Variants in ZNF536 observed in about 807,000 individuals in gnomAD.
ZNF536 encodes zinc finger protein 536.
Under a neutral mutation model 84.5 loss-of-function variants are expected in ZNF536, and 13 were observed. The observed-to-expected ratio is 0.15, with a 90% CI of 0.10 to 0.24. The LOEUF is 0.24. Ranked by LOEUF, ZNF536 falls within the 10% of genes least tolerant of loss-of-function variation. The probability of loss-of-function intolerance (pLI) is 1.00; values close to 1 mark genes in which losing one functional copy is unlikely to be tolerated. For synonymous variants in ZNF536, 811 were observed against 742.5 expected (o/e 1.09, Z -1.50); for missense variants, 1,536 against 1,747.5 (o/e 0.88, Z 2.16).
chr19:30,592,699 T>C (rs933339881), intron 1 of ZNF536, among the ~76,000 whole-genome samples: 4 of 152,090 alleles, frequency 2.6e-5, no homozygotes, highest in African/African-American at 9.7e-5. Flanking sequence ...GGGTTTTTTT[T>C]TTTTTCTAAG....
intron 1 of ZNF536, among the ~76,000 whole-genome samples, chr19:30,651,872 T>A (rs932238593): frequency 2.0e-5 from 3 of 152,204 alleles, no homozygotes; most frequent in Non-Finnish European, 2.9e-5. Flanking sequence ...TAACAGAAGC[T>A]TTGTGTGTGT....
chr19:30,614,879 A>G (rs1423152302), intron 1 of ZNF536, among the ~76,000 whole-genome samples: 1 of 139,766 alleles, frequency 7.2e-6, no homozygotes, highest in African/African-American at 2.7e-5. Flanking sequence ...TATGGCATCT[A>G]TGACGTGCTT....
intron 2 of ZNF536, among the ~76,000 whole-genome samples, chr19:30,493,183 A>AC (rs1555782097): frequency 1.6e-5 from 2 of 128,508 alleles, no homozygotes; most frequent in African/African-American, 6.0e-5. Flanking sequence ...GTACTAAAAT[A>AC]TTTTTTTTTC....
At chr19:30,398,274 C>T (rs1355843667) in intron 1 of ZNF536, among the ~76,000 whole-genome samples, 3 of 152,152 alleles carry the variant, frequency 2.0e-5, no homozygotes, top group African/African-American at 7.2e-5. Context: ...CCCTCCGTGC[C>T]CCAACCATCC....
At chr19:30,581,358 T>C (rs1026406819) in intron 1 of ZNF536, among the ~76,000 whole-genome samples, 1 of 151,716 alleles carries the variant, frequency 6.6e-6, no homozygotes, top group African/African-American at 2.4e-5. Context: ...GCGCCTGTAG[T>C]CCCAGCTACT....
chr19:30,593,876 T>C (rs989219336), intron 1 of ZNF536, among the ~76,000 whole-genome samples: 7 of 152,186 alleles, frequency 4.6e-5, no homozygotes, highest in African/African-American at 1.4e-4. Context: ...GATTGCTAGA[T>C]GGAGTGGACT....
intron 2 of ZNF536, among the ~76,000 whole-genome samples, chr19:30,518,404 T>C (rs1440591991): frequency 6.6e-6 from 1 of 152,220 alleles, no homozygotes; most frequent in Middle Eastern, 3.2e-3. Context: ...TCCGTTTTGA[T>C]TCCCAAAATT....
intron 1 of ZNF536, among the ~76,000 whole-genome samples, chr19:30,610,539 T>C (rs1480362903): frequency 6.6e-6 from 1 of 152,210 alleles, no homozygotes; most frequent in Non-Finnish European, 1.5e-5. Flanking sequence ...GTATTCCCAT[T>C]CAATTTCTGT....
At chr19:30,558,971 T>A (rs183850628), downstream of ZNF536, among the ~76,000 whole-genome samples, 1 of 152,288 alleles carries the variant, frequency 6.6e-6, no homozygotes, top group East Asian at 1.9e-4. Context: ...AACCCTGGCC[T>A]CCGCAACAGG....
intron 1 of ZNF536, among the ~76,000 whole-genome samples, chr19:30,432,535 G>T (rs1019477054): frequency 6.6e-6 from 1 of 152,156 alleles, no homozygotes; most frequent in Non-Finnish European, 1.5e-5. Flanking sequence ...GCTGGGAGAT[G>T]TGGGGAAAGT....
chr19:30,405,689 C>T (rs775369989), intron 1 of ZNF536, among the ~76,000 whole-genome samples: 26 of 152,074 alleles, frequency 1.7e-4, no homozygotes, highest in Admixed American at 7.2e-4. Context: ...TCGCCACACC[C>T]GAATCGTTTT....
rs565267878 is a variant in ZNF536 at position 30,652,172 on chromosome 19, A to T, written c.170-58585A>T. On this transcript the variant is annotated intron_variant, in intron 1 of 1. Transcript: ENST00000592773. ...CTTTTAATGTTCATTATAAAATATG[A>T]AATATTTCTCAGAACCATTGCAATT... 4.6e-5 allele frequency among the ~76,000 whole-genome samples: 7 copies of T among 152,364 alleles called. No homozygotes were observed. In the East Asian group the frequency reaches 1.3e-3, roughly 29 times the overall value.
chr19:30,628,335 C>T (rs939026066), intron 1 of ZNF536, among the ~76,000 whole-genome samples: 10 of 152,216 alleles, frequency 6.6e-5, no homozygotes, highest in Non-Finnish European at 1.0e-4. Flanking sequence ...GCTCCTTCAA[C>T]TCCCTGTGCT....
At chr19:30,511,481 T>A (rs1189137450) in intron 2 of ZNF536, among the ~76,000 whole-genome samples, 1 of 152,120 alleles carries the variant, frequency 6.6e-6, no homozygotes, top group Non-Finnish European at 1.5e-5. Context: ...AGTTTGTGGG[T>A]CTGTCTGGGG....
At chr19:30,491,670 A>G (rs571793270) in intron 2 of ZNF536, among the ~76,000 whole-genome samples, 1 of 152,250 alleles carries the variant, frequency 6.6e-6, no homozygotes, top group East Asian at 1.9e-4. Flanking sequence ...GTGCACTAAC[A>G]AAAAATTCTT....
At chr19:30,618,732 T>C (rs1010851136) in intron 1 of ZNF536, among the ~76,000 whole-genome samples, 8 of 152,146 alleles carry the variant, frequency 5.3e-5, no homozygotes, top group African/African-American at 1.9e-4. Context: ...CAAATCTTTT[T>C]GTTGATTTAT....
At position 30,443,656 on chromosome 19, in the gene ZNF536, A is replaced by C. The variant is rs2148147669; in HGVS notation, c.94A>C (p.Met32Leu). The change falls in exon 2 of 5, where the codon ATG becomes CTG. Residue 32 changes from methionine to leucine, a missense_variant. Physicochemically the swap from Met to Leu is conservative, Grantham distance 15. Around this residue, in one of 8 missense-constraint regions of ZNF536, gnomAD observed 161 missense variants for 178.5 expected, o/e 0.90. Transcript: ENST00000355537. The part of the protein sequence containing the change: ...SGPVLNGQYA[M>L]SQKLHQITSQ... ...CCCCGTCCTCAACGGCCAGTATGCC[A>C]TGAGTCAGAAGCTGCACCAGATCAC... The C allele has an allele frequency of 1.2e-6, 2 of 1,613,678 alleles. No homozygotes were observed. The highest frequency in any genetic ancestry group is 1.7e-6 in the Non-Finnish European group (2 of 1,179,902).
chr19:30,700,225 T>TTTCTTTC (rs2051867381), intron 1 of ZNF536, among the ~76,000 whole-genome samples: 1 of 120,536 alleles, frequency 8.3e-6, no homozygotes, highest in African/African-American at 3.0e-5. Flanking sequence ...TCTTTCTTTC[T>TTTCTTTC]TTCTTTCTTT....
intron 1 of ZNF536, among the ~76,000 whole-genome samples, chr19:30,702,406 T>C (rs1240380764): frequency 6.6e-6 from 1 of 151,218 alleles, no homozygotes; most frequent in Non-Finnish European, 1.5e-5. Context: ...TGATGGGAAA[T>C]GTTGATGGCC....
Sources: gnomAD v4.1 joint callset for allele counts (sites outside exome capture counted in the v4.1 genomes callset) on GRCh38, gnomAD v4.1.1 for gene constraint, gnomAD v4.1.1 regional missense constraint, MANE v1.5 for transcripts, NCBI Gene and HGNC (gene_info 2026-07-23, HGNC 2026-07-21) for gene names.